TRPM3: variants seen among roughly 807,000 people sequenced by gnomAD.
TRPM3 encodes long transient receptor potential channel 3.
In TRPM3, 77 loss-of-function variants were observed where a neutral mutation model predicts 181.2. That is an observed-to-expected ratio of 0.42 (90% CI 0.35 to 0.51). TRPM3 has a LOEUF of 0.51. TRPM3 is among the 20% of genes least tolerant of loss of function. The probability of loss-of-function intolerance (pLI) is 0.01; values close to 1 mark genes in which losing one functional copy is unlikely to be tolerated. For missense variants in TRPM3, 1,759 were observed against 2,196.7 expected (o/e 0.80, Z 3.98); for synonymous variants, 745 against 796.4 (o/e 0.94, Z 1.09).
chr9:71,014,337 T>G (rs2097768040), intron 1 of TRPM3, among the ~76,000 whole-genome samples: 2 of 152,140 alleles, frequency 1.3e-5, no homozygotes, highest in Admixed American at 1.3e-4. Context: ...ACATGATTAT[T>G]TTTGTGAATG....
chr9:70,590,767 G>A (rs978509294), intron 22 of TRPM3, among the ~76,000 whole-genome samples: 1 of 152,194 alleles, frequency 6.6e-6, no homozygotes, highest in Non-Finnish European at 1.5e-5. Flanking sequence ...CTTTCTAAGT[G>A]GTTCATTGTT....
At chr9:70,605,519 T>C (rs1030983726) in intron 19 of TRPM3, among the ~76,000 whole-genome samples, 4 of 150,760 alleles carry the variant, frequency 2.7e-5, no homozygotes, top group African/African-American at 7.3e-5. Context: ...TTCAGGAGCA[T>C]TGGCAAATCA....
At chr9:70,632,539 G>A (rs1025354971) in intron 12 of TRPM3, among the ~76,000 whole-genome samples, 3 of 152,108 alleles carry the variant, frequency 2.0e-5, no homozygotes, top group African/African-American at 7.2e-5. Flanking sequence ...TTGGCTTTCT[G>A]TGTCTCCCTG....
chr9:71,309,138 G>A lies in TRPM3; in HGVS notation c.183+137515C>T, dbSNP rs746051398. Among the ~76,000 whole-genome samples the A allele has an allele frequency of 3.9e-5, 6 of 152,080 alleles. No individual in the cohort carries two copies. In the East Asian group the frequency reaches 7.7e-4, roughly 20 times the overall value. Reference sequence around the variant, plus strand: ...TACTTTTAATCTTTTAATGTGCATCGAGTAGTGTTGCTTCCAGATTACTTA... The same window carrying A: ...TACTTTTAATCTTTTAATGTGCATCAAGTAGTGTTGCTTCCAGATTACTTA... On this transcript the variant is annotated intron_variant, in intron 1 of 24. Coordinates refer to the TRPM3 transcript ENST00000357533.
chr9:70,840,145 G>A (rs1002596088), intron 5 of TRPM3, among the ~76,000 whole-genome samples: 2 of 152,056 alleles, frequency 1.3e-5, no homozygotes, highest in African/African-American at 4.8e-5. Flanking sequence ...CTCAAACTAT[G>A]TCATAAATCC....
intron 1 of TRPM3, among the ~76,000 whole-genome samples, chr9:71,285,384 T>C (rs1283031641): frequency 1.3e-5 from 2 of 152,216 alleles, no homozygotes; most frequent in East Asian, 3.8e-4. Context: ...TTTCTTCCTA[T>C]TCTTTTTTGT....
chr9:71,081,469 C>A (rs375111867), intron 1 of TRPM3, among the ~76,000 whole-genome samples: 1 of 152,062 alleles, frequency 6.6e-6, no homozygotes, highest in East Asian at 1.9e-4. Context: ...GTGCCCAGCA[C>A]GTAAAAGTGC....
intron 22 of TRPM3, among the ~76,000 whole-genome samples, chr9:70,577,283 T>A (rs1164801161): frequency 6.6e-6 from 1 of 152,228 alleles, no homozygotes; most frequent in African/African-American, 2.4e-5. Flanking sequence ...TAGGGGAAAG[T>A]GCAAGGCTCT....
intron 25 of TRPM3, among the ~76,000 whole-genome samples, chr9:70,538,268 G>T (rs1355645322): frequency 1.3e-5 from 2 of 152,110 alleles, no homozygotes; most frequent in African/African-American, 4.8e-5. Flanking sequence ...CCTCCCATTG[G>T]AAATTCTTTT....
chr9:71,032,040 A>AT lies in TRPM3; in HGVS notation c.177+89137dup, dbSNP rs1554806799. On this transcript the variant is annotated intron_variant, in intron 1 of 25. Transcript: ENST00000677713. ...ATATATATATATAATATAAATATAT[A>AT]TATATATATTATATATATTATATAT... 0.041 allele frequency among the ~76,000 whole-genome samples: 323 copies of AT among 7,890 alleles called. 33 individuals are homozygous for AT. In the East Asian group the frequency reaches 0.49, roughly 12 times the overall value. The allele number at this position is 7,890 out of a possible 152,430, so 5.2% of individuals were successfully genotyped here. A position where few individuals can be genotyped will look rare whatever the true frequency, so the allele number is the denominator to read the frequency against.
chr9:71,230,378 A>G (rs1346302181), intron 1 of TRPM3, among the ~76,000 whole-genome samples: 1 of 152,126 alleles, frequency 6.6e-6, no homozygotes, highest in Non-Finnish European at 1.5e-5. Context: ...AAAAATAGAA[A>G]ATATGAATAA....
chr9:71,241,105 C>T (rs577703288), intron 1 of TRPM3, among the ~76,000 whole-genome samples: 2 of 152,256 alleles, frequency 1.3e-5, no homozygotes, highest in South Asian at 4.1e-4. Flanking sequence ...TTAAAATTTT[C>T]ACTTCTTTGT....
intron 1 of TRPM3, among the ~76,000 whole-genome samples, chr9:71,016,663 C>T (rs2097787775): frequency 1.3e-5 from 2 of 152,068 alleles, no homozygotes; most frequent in African/African-American, 2.4e-5. Flanking sequence ...ATTTATCTGC[C>T]CATGGACACT....
At chr9:70,694,454 G>C (rs1343707557) in intron 8 of TRPM3, among the ~76,000 whole-genome samples, 1 of 152,116 alleles carries the variant, frequency 6.6e-6, no homozygotes, top group Non-Finnish European at 1.5e-5. Flanking sequence ...CATAGGAAGA[G>C]ACGTTGGTTT....
At chr9:71,361,819 G>T (rs530946002) in intron 1 of TRPM3, among the ~76,000 whole-genome samples, 2 of 151,996 alleles carry the variant, frequency 1.3e-5, no homozygotes, top group African/African-American at 2.4e-5. Context: ...ATTTAAGCTG[G>T]ATTTATTACA....
intron 1 of TRPM3, among the ~76,000 whole-genome samples, chr9:71,407,709 T>C (rs2093463779): frequency 1.3e-5 from 2 of 152,140 alleles, no homozygotes; most frequent in Non-Finnish European, 2.9e-5. Flanking sequence ...CTGTCTGACA[T>C]GTTTAAGAGA....
At chr9:70,938,266 T>C (rs1359947791) in intron 1 of TRPM3, among the ~76,000 whole-genome samples, 1 of 152,200 alleles carries the variant, frequency 6.6e-6, no homozygotes, top group Non-Finnish European at 1.5e-5. Context: ...AGAAACCATG[T>C]AATCTCTACT....
chr9:71,018,327 A>T (rs1043938872), intron 1 of TRPM3, among the ~76,000 whole-genome samples: 13 of 151,768 alleles, frequency 8.6e-5, no homozygotes, highest in Non-Finnish European at 1.8e-4. Flanking sequence ...TAATGAAGAT[A>T]AAAGTAAAGA....
rs570560251 is a variant in TRPM3 at position 70,944,891 on chromosome 9, G to GAA, written c.178-80382_178-80381dup. ...GAGACAGACTACTCTGCTCACAGGT[G>GAA]AAAAAAAAAAAACCACATAAAAGCC... On this transcript the variant is annotated intron_variant, in intron 1 of 25. Transcript: ENST00000677713. Among the ~76,000 whole-genome samples the GAA allele has an allele frequency of 5.1e-5, 7 of 138,350 alleles. No homozygotes were observed. The East Asian group carries it at 1.5e-3, about 29-fold the overall frequency. The allele number at this position is 138,350 out of a possible 152,430, so 90.8% of individuals were successfully genotyped here.
Sources: gnomAD v4.1 joint callset for allele counts (sites outside exome capture counted in the v4.1 genomes callset) on GRCh38, gnomAD v4.1.1 for gene constraint, MANE v1.5 for transcripts, NCBI Gene and HGNC (gene_info 2026-07-23, HGNC 2026-07-21) for gene names.